JAM2: variants seen among roughly 807,000 people sequenced by gnomAD.
JAM2 encodes junctional adhesion molecule B.
A neutral mutation model predicts 42.0 loss-of-function variants in JAM2; 17 were observed. The ratio of observed to expected loss-of-function variants is 0.40; its 90% CI spans 0.28 to 0.61. The LOEUF is 0.61. JAM2 is among the 20% of genes least tolerant of loss of function. The pLI is 0.37. For synonymous variants in JAM2, 118 were observed against 128.6 expected (o/e 0.92, Z 0.56); for missense variants, 319 against 358.3 (o/e 0.89, Z 0.89).
chr21:25,677,712 TG>T (rs1350200057), intron 1 of JAM2, among the ~76,000 whole-genome samples: 1 of 152,220 alleles, frequency 6.6e-6, no homozygotes, highest in East Asian at 1.9e-4. Flanking sequence ...TTCCCTATTT[TG>T]CCCCGAGGTT....
At chr21:25,667,285 G>C (rs1186306553) in intron 1 of JAM2, among the ~76,000 whole-genome samples, 1 of 152,182 alleles carries the variant, frequency 6.6e-6, no homozygotes, top group Non-Finnish European at 1.5e-5. Context: ...GTGGCTGAAT[G>C]ATTCGGGATC....
intron 1 of JAM2, among the ~76,000 whole-genome samples, chr21:25,680,938 G>C (rs1290147272): frequency 1.3e-5 from 2 of 152,170 alleles, no homozygotes; most frequent in Non-Finnish European, 2.9e-5. Context: ...GGAGTCAACA[G>C]AGTCACATGT....
At chr21:25,684,815 C>CT in intron 2 of JAM2, among the ~76,000 whole-genome samples, 1 of 152,248 alleles carries the variant, frequency 6.6e-6, no homozygotes, top group South Asian at 2.1e-4. Context: ...CCAAGCTGGT[C>CT]TTGTACTCCT....
At position 25,714,699 on chromosome 21, in the gene JAM2, G is replaced by T; in HGVS notation, c.*27G>T. 6.9e-7 allele frequency: 1 copy of T among 1,439,666 alleles called. No individual in the cohort carries two copies. The highest frequency in any genetic ancestry group is 9.3e-7 in the Non-Finnish European group (1 of 1,073,002). 89.2% of individuals were successfully genotyped at this position (1,439,666 alleles called of 1,614,324 possible). A position where few individuals can be genotyped will look rare whatever the true frequency, so the allele number is the denominator to read the frequency against. ...GACTCCACTTTAGAGATACACCAAAGCCACCGTTGTTACACAAGTTATTAA... is the reference window on the plus strand; with the variant it reads ...GACTCCACTTTAGAGATACACCAAATCCACCGTTGTTACACAAGTTATTAA... On this transcript the variant is annotated 3_prime_UTR_variant, in exon 10 of 10. Transcript: ENST00000480456.
chr21:25,642,062 A>T (rs2032461879), intron 1 of JAM2, among the ~76,000 whole-genome samples: 1 of 152,106 alleles, frequency 6.6e-6, no homozygotes, highest in African/African-American at 2.4e-5. Context: ...CGTACACATG[A>T]CTTATTGCTG....
intron 1 of JAM2, among the ~76,000 whole-genome samples, chr21:25,649,757 T>C (rs551640563): frequency 1.3e-5 from 2 of 152,348 alleles, no homozygotes; most frequent in South Asian, 4.1e-4. Flanking sequence ...AGTCTATTTC[T>C]GTTGCTGTAA....
At chr21:25,681,592 C>A (rs1261829528) in intron 1 of JAM2, among the ~76,000 whole-genome samples, 1 of 152,186 alleles carries the variant, frequency 6.6e-6, no homozygotes, top group African/African-American at 2.4e-5. Context: ...GGGACACAGC[C>A]AAACCATATC....
At chr21:25,666,105 G>A (rs1163791621) in intron 1 of JAM2, among the ~76,000 whole-genome samples, 1 of 151,970 alleles carries the variant, frequency 6.6e-6, no homozygotes, top group Non-Finnish European at 1.5e-5. Flanking sequence ...CATCCAGAAT[G>A]TTTGACCACA....
Position 25,714,887 on chromosome 21 carries a change from G to A in JAM2, c.*215G>A. ...AAATATAATCTGGCTTCTTGTGTCT[G>A]GACTAAGTTAAAAGAATTAAAATAC... On this transcript the variant is annotated 3_prime_UTR_variant, in exon 10 of 10. Coordinates refer to ENST00000480456, the MANE Select transcript of JAM2 (RefSeq NM_021219.4). The A allele has an allele frequency of 2.4e-6, 1 of 419,284 alleles. No homozygotes were observed. Among genetic ancestry groups the A allele is most frequent in the South Asian group, 7.5e-5 (1 of 13,350 alleles). 26.0% of individuals were successfully genotyped at this position (419,284 alleles called of 1,614,324 possible).
At chr21:25,704,300 A>G (rs1325498816) in intron 6 of JAM2, among the ~76,000 whole-genome samples, 1 of 152,168 alleles carries the variant, frequency 6.6e-6, no homozygotes, top group Non-Finnish European at 1.5e-5. Context: ...CTGAGTTTAT[A>G]CCAAGCAATA....
intron 1 of JAM2, among the ~76,000 whole-genome samples, chr21:25,671,160 TC>T: frequency 6.6e-6 from 1 of 152,362 alleles, no homozygotes; most frequent in South Asian, 2.1e-4. Flanking sequence ...AGGCTGAATA[TC>T]AGATCATGGT....
At chr21:25,669,365 C>G (rs2033300763) in intron 1 of JAM2, among the ~76,000 whole-genome samples, 3 of 144,752 alleles carry the variant, frequency 2.1e-5, no homozygotes, top group Admixed American at 1.4e-4. Flanking sequence ...GAGTGAAACC[C>G]TGTCTCAAAA....
chr21:25,688,516 G>A (rs557665676), intron 2 of JAM2, among the ~76,000 whole-genome samples: 126 of 152,284 alleles, frequency 8.3e-4, no homozygotes, highest in Non-Finnish European at 1.4e-3. Flanking sequence ...AAAGAACTGT[G>A]TTTCCTCAGA....
chr21:25,689,932 G>T lies in JAM2; in HGVS notation c.200G>T (p.Gly67Val), dbSNP rs1339654631. Reference sequence around the variant, plus strand: ...TCCAGATTAGAGTGGAAGAAACTGGGTCGGAGTGTCTCCTTTGTCTACTAT... The same window carrying T: ...TCCAGATTAGAGTGGAAGAAACTGGTTCGGAGTGTCTCCTTTGTCTACTAT... ...VSSRLEWKKL[G>V]RSVSFVYYQQ... Residue 67 changes from glycine (G) to valine (V), a missense_variant, in exon 3 of 10, where the codon GGT becomes GTT. Transcript: ENST00000480456. 1.9e-6 allele frequency: 3 copies of T among 1,613,766 alleles called. No individual in the cohort carries two copies. The highest frequency in any genetic ancestry group is 2.5e-6 in the Non-Finnish European group (3 of 1,179,774).
intron 1 of JAM2, among the ~76,000 whole-genome samples, chr21:25,671,731 A>G (rs1019567127): frequency 6.6e-6 from 1 of 152,024 alleles, no homozygotes; most frequent in Non-Finnish European, 1.5e-5. Flanking sequence ...CTGGTCTCGA[A>G]CTCCTGACCT....
rs534562389 is a variant in JAM2, at chr21:25,706,219, C to T, written c.805+133C>T. The T allele has an allele frequency of 2.2e-5, 14 of 642,016 alleles. No homozygotes were observed. In the African/African-American group the frequency reaches 2.2e-4, roughly 10 times the overall value. 39.8% of individuals were successfully genotyped at this position (642,016 alleles called of 1,614,324 possible). Reference sequence around the variant, plus strand: ...TTTCAGACAGAGTCTTGCTCTGTTGCCCAGGCTGGAGTGCAGTGGTGGCAA... The same window carrying T: ...TTTCAGACAGAGTCTTGCTCTGTTGTCCAGGCTGGAGTGCAGTGGTGGCAA... On this transcript the variant is annotated intron_variant, in intron 7 of 9. Transcript: ENST00000480456.
At chr21:25,707,474 T>G (rs1171500028) in intron 7 of JAM2, among the ~76,000 whole-genome samples, 2 of 151,984 alleles carry the variant, frequency 1.3e-5, no homozygotes, top group African/African-American at 4.8e-5. Context: ...AGAGCAAGAC[T>G]CCATCTCAAA....
chr21:25,699,549 C>T lies in JAM2; in HGVS notation c.597+670C>T, dbSNP rs184374774. 5.9e-3 allele frequency among the ~76,000 whole-genome samples: 899 copies of T among 151,974 alleles called. 7 individuals are homozygous for T. Among genetic ancestry groups the T allele is most frequent in the African/African-American group, 0.02 (849 of 41,482 alleles). On this transcript the variant is annotated intron_variant, in intron 5 of 9. Coordinates refer to ENST00000480456, the MANE Select transcript of JAM2 (RefSeq NM_021219.4). Reference sequence around the variant, plus strand: ...CATCCTGGCTAACACGGTGAAACCCCGTCTCTACTAAAAATACAAAAGACT... The same window carrying T: ...CATCCTGGCTAACACGGTGAAACCCTGTCTCTACTAAAAATACAAAAGACT...
Position 25,639,525 on chromosome 21 carries a change from G to T in JAM2, c.-297G>T. 6.1e-6 allele frequency: 2 copies of T among 325,206 alleles called. No homozygotes were observed. The allele number at this position is 325,206 out of a possible 1,614,324, so 20.1% of individuals were successfully genotyped here. A position where few individuals can be genotyped will look rare whatever the true frequency, so the allele number is the denominator to read the frequency against. Reference sequence around the variant, plus strand: ...GCTGCTCTCCTCCTGCTGCCCCCTCGCTAGGACCCGGCGGACGCCTCGTCT... The same window carrying T: ...GCTGCTCTCCTCCTGCTGCCCCCTCTCTAGGACCCGGCGGACGCCTCGTCT... On this transcript the variant is annotated 5_prime_UTR_variant, in exon 1 of 10. Coordinates refer to ENST00000480456, the MANE Select transcript of JAM2 (RefSeq NM_021219.4).
Sources: gnomAD v4.1 joint callset for allele counts (sites outside exome capture counted in the v4.1 genomes callset) on GRCh38, gnomAD v4.1.1 for gene constraint, MANE v1.5 for transcripts, NCBI Gene and HGNC (gene_info 2026-07-23, HGNC 2026-07-21) for gene names.